USH2A: variants seen among roughly 807,000 people sequenced by gnomAD.
The protein encoded by USH2A is Usher syndrome 2A (autosomal recessive, mild).
In USH2A, 443 loss-of-function variants were observed where a neutral mutation model predicts 538.9. The observed-to-expected ratio is 0.82, with a 90% CI of 0.76 to 0.89. USH2A has a LOEUF of 0.89. USH2A is among the 40% of genes least tolerant of loss of function. USH2A has a pLI of 0.00. For missense variants in USH2A, 6,633 were observed against 6,324.8 expected (o/e 1.05, Z -1.65); for synonymous variants, 2,413 against 2,273.5 (o/e 1.06, Z -1.75).
rs2102645080 is a variant in USH2A at position 215,650,790 on chromosome 1, C to T, written c.14145G>A (p.Val4715=). The T allele has an allele frequency of 6.2e-7, 1 of 1,607,266 alleles. No individual in the cohort carries two copies. The highest frequency in any genetic ancestry group is 8.5e-7 in the Non-Finnish European group (1 of 1,177,362). The change falls in exon 65 of 72, where the codon GTG becomes GTA. Residue 4715 remains valine, a synonymous_variant. Transcript: ENST00000307340. ...TACTGGGGGCTTTTCCTGCAGAATT[C>T]ACTGCCCAGACCTCCAAAGAGAAAT... The part of the protein sequence containing the change: ...FTEYEYQVWA[V]NSAGKAPSSW...
intron 56 of USH2A, 32 bp downstream of exon 56, chr1:215,766,649 C>T: frequency 1.9e-6 from 3 of 1,577,564 alleles, no homozygotes; most frequent in Non-Finnish European, 2.6e-6. Flanking sequence ...GTGAAAATTT[C>T]TTCCCTCAAA....
intron 44 of USH2A, 114 bp downstream of exon 44, chr1:215,866,893 C>T: frequency 6.9e-7 from 1 of 1,451,440 alleles, no homozygotes; most frequent in South Asian, 1.2e-5. Context: ...TAAAAATTTA[C>T]CAGTAACACT....
At chr1:216,069,953 A>G in intron 30 of USH2A, 148 bp downstream of exon 30, 1 of 917,104 alleles carries the variant, frequency 1.1e-6, no homozygotes, top group East Asian at 2.6e-5. Flanking sequence ...GCAGGCTTCC[A>G]CTACTTTAGA....
chr1:216,162,770 G>A (rs2034084487), intron 21 of USH2A, among the ~76,000 whole-genome samples: 1 of 152,022 alleles, frequency 6.6e-6, no homozygotes, highest in South Asian at 2.1e-4. Flanking sequence ...CTGTGGTTAA[G>A]TCCAAACTCC....
intron 21 of USH2A, among the ~76,000 whole-genome samples, chr1:216,140,929 C>T (rs1410093227): frequency 1.3e-5 from 2 of 152,198 alleles, no homozygotes; most frequent in Non-Finnish European, 2.9e-5. Context: ...ATTGGCTCTG[C>T]TTTCACAACA....
intron 9 of USH2A, among the ~76,000 whole-genome samples, chr1:216,317,111 T>C (rs1335727581): frequency 6.6e-6 from 1 of 152,142 alleles, no homozygotes; most frequent in Non-Finnish European, 1.5e-5. Flanking sequence ...CTTTACACTG[T>C]TGGTGGGAGT....
chr1:215,728,783 A>C (rs1391427138), intron 60 of USH2A, among the ~76,000 whole-genome samples: 1 of 152,192 alleles, frequency 6.6e-6, no homozygotes, highest in Admixed American at 6.5e-5. Flanking sequence ...CATATTTAAA[A>C]TCTTTTAAAA....
At chr1:215,982,395 T>A (rs1181718327) in intron 35 of USH2A, among the ~76,000 whole-genome samples, 1 of 152,174 alleles carries the variant, frequency 6.6e-6, no homozygotes, top group Non-Finnish European at 1.5e-5. Flanking sequence ...GACTATCTCC[T>A]CCAATTCTGA....
intron 13 of USH2A, among the ~76,000 whole-genome samples, chr1:216,238,310 G>A (rs2035869118): frequency 6.6e-6 from 1 of 152,144 alleles, no homozygotes; most frequent in Admixed American, 6.5e-5. Flanking sequence ...TCAAGGACAA[G>A]GGTGGGTCAC....
At chr1:215,998,071 A>C (rs866094280) in intron 34 of USH2A, among the ~76,000 whole-genome samples, 15 of 152,070 alleles carry the variant, frequency 9.9e-5, no homozygotes, top group South Asian at 2.1e-4. Context: ...CATAAATGTA[A>C]ATTTATTCAT....
chr1:215,940,450 A>C (rs1182112431), intron 37 of USH2A, among the ~76,000 whole-genome samples: 1 of 152,076 alleles, frequency 6.6e-6, no homozygotes, highest in Non-Finnish European at 1.5e-5. Flanking sequence ...ATTATTTTAA[A>C]TTATTTTAAC....
Position 216,175,244 on chromosome 1 carries a change from A to G in USH2A, c.4627+8T>C. 6.2e-7 allele frequency: 1 copy of G among 1,613,570 alleles called. No homozygotes were observed. Among genetic ancestry groups the G allele is most frequent in the Non-Finnish European group, 8.5e-7 (1 of 1,179,754 alleles). On this transcript the variant is annotated splice_region_variant and intron_variant, in intron 21 of 71. Transcript: ENST00000307340. ...TCTCCTAAATAAAGCAATGTCAAAC[A>G]CACTTACCAGTGAAGTCTGTATTGA...
chr1:216,394,630 G>GACGTTTCAT (rs2039172787), intron 3 of USH2A, among the ~76,000 whole-genome samples: 1 of 151,450 alleles, frequency 6.6e-6, no homozygotes, highest in South Asian at 2.1e-4. Context: ...ATAATAAACA[G>GACGTTTCAT]ACGTTTCATA....
At chr1:215,935,747 C>T (rs952877660) in intron 37 of USH2A, among the ~76,000 whole-genome samples, 3 of 151,936 alleles carry the variant, frequency 2.0e-5, no homozygotes, top group African/African-American at 7.2e-5. Flanking sequence ...ATTTATGAGA[C>T]AATTTTTTAA....
At chr1:216,357,642 A>T (rs142065759) in intron 4 of USH2A, among the ~76,000 whole-genome samples, 49 of 152,304 alleles carry the variant, frequency 3.2e-4, no homozygotes, top group African/African-American at 1.1e-3. Context: ...CTTAATGACC[A>T]ATGATCTTCT....
Position 215,685,918 on chromosome 1 carries a change from G to A in USH2A, c.12067-5542C>T, listed in dbSNP as rs555747908. 1.1e-4 allele frequency among the ~76,000 whole-genome samples: 16 copies of A among 152,052 alleles called. No individual in the cohort carries two copies. The South Asian group carries it at 1.9e-3, about 18-fold the overall frequency. On this transcript the variant is annotated intron_variant, in intron 61 of 71. Coordinates refer to ENST00000307340, the MANE Select transcript of USH2A (RefSeq NM_206933.4). ...AAACACGTACATGCAGAGTTGCTCCGGAATCAAAGATCAACTCACAATACA... is the reference window on the plus strand; with the variant it reads ...AAACACGTACATGCAGAGTTGCTCCAGAATCAAAGATCAACTCACAATACA...
At chr1:216,321,142 G>C (rs1483457070) in intron 9 of USH2A, among the ~76,000 whole-genome samples, 1 of 152,044 alleles carries the variant, frequency 6.6e-6, no homozygotes, top group Non-Finnish European at 1.5e-5. Context: ...CAAATTAGCA[G>C]CCAGTTGTCT....
At chr1:215,650,853 G>GAAAAAAAAAAAAAAAAAA in intron 64 of USH2A, 52 bp from the exon 65 acceptor site, 1 of 1,232,024 alleles carries the variant, frequency 8.1e-7, no homozygotes, top group Non-Finnish European at 1.1e-6. Context: ...CTAAGGCTGG[G>GAAAAAAAAAAAAAAAAAA]AAAAAAAAAA....
At chr1:216,260,096 TCC>T (rs2036338808) in intron 11 of USH2A, among the ~76,000 whole-genome samples, 3 of 152,100 alleles carry the variant, frequency 2.0e-5, no homozygotes, top group Admixed American at 2.0e-4. Context: ...ATGTGCCTTT[TCC>T]TCTTTTTCTT....
Sources: gnomAD v4.1 joint callset for allele counts (sites outside exome capture counted in the v4.1 genomes callset) on GRCh38, gnomAD v4.1.1 for gene constraint, MANE v1.5 for transcripts, NCBI Gene and HGNC (gene_info 2026-07-23, HGNC 2026-07-21) for gene names.